The following HS6ST3 variants were observed in gnomAD, a reference collection of about 807,000 sequenced individuals.
HS6ST3 encodes heparan sulfate 6-O-sulfotransferase 3, also known as heparan-sulfate 6-O-sulfotransferase 3.
HS6ST3 carries 12 observed loss-of-function variants against 36.7 expected under a neutral mutation model. That is an observed-to-expected ratio of 0.33 (90% CI 0.21 to 0.53). HS6ST3 has a LOEUF of 0.53. Among genes scored for constraint, HS6ST3 ranks in the 20% least tolerant of loss-of-function variants. The pLI is 0.95. For missense variants in HS6ST3, 584 were observed against 640.9 expected, an observed-to-expected ratio of 0.91 and a Z score of 0.96; for synonymous variants, 240 against 257.5, an observed-to-expected ratio of 0.93 and a Z score of 0.65.
chr13:96,122,624 T>G (rs1594684526), intron 1 of HS6ST3, among the ~76,000 whole-genome samples: 1 of 152,048 alleles, frequency 6.6e-6, no homozygotes, highest in Non-Finnish European at 1.5e-5. Context: ...ATAATGAAAA[T>G]CAAGGGGGAG....
chr13:96,098,991 T>G (rs1168454451), intron 1 of HS6ST3, among the ~76,000 whole-genome samples: 3 of 152,212 alleles, frequency 2.0e-5, no homozygotes. Flanking sequence ...TCACCCAAAC[T>G]GGAGTGCAGT....
At chr13:96,317,272 C>T (rs2054975020) in intron 1 of HS6ST3, among the ~76,000 whole-genome samples, 1 of 147,268 alleles carries the variant, frequency 6.8e-6, no homozygotes, top group Admixed American at 6.9e-5. Context: ...CAGCTCCTTC[C>T]ATGTTGCAGC....
At chr13:96,318,710 C>T (rs2054988764) in intron 1 of HS6ST3, among the ~76,000 whole-genome samples, 2 of 151,820 alleles carry the variant, frequency 1.3e-5, no homozygotes. Flanking sequence ...AAATGTGTGG[C>T]TTTATTTCTG....
At chr13:96,690,069 G>C (rs1353173372) in intron 1 of HS6ST3, among the ~76,000 whole-genome samples, 1 of 152,084 alleles carries the variant, frequency 6.6e-6, no homozygotes, top group African/African-American at 2.4e-5. Flanking sequence ...ACATTGCTAA[G>C]TCATAGGTTT....
intron 1 of HS6ST3, among the ~76,000 whole-genome samples, chr13:96,394,578 A>G (rs1390000472): frequency 1.3e-5 from 2 of 152,172 alleles, no homozygotes; most frequent in African/African-American, 4.8e-5. Flanking sequence ...TAGAGGTGTT[A>G]TGGACCGTAT....
At chr13:96,302,173 TA>T (rs1427921085) in intron 1 of HS6ST3, among the ~76,000 whole-genome samples, 2 of 151,666 alleles carry the variant, frequency 1.3e-5, no homozygotes, top group Admixed American at 1.3e-4. Context: ...CACAAAATTT[TA>T]AAAAAAATTC....
At chr13:96,112,649 TC>T (rs970528242) in intron 1 of HS6ST3, among the ~76,000 whole-genome samples, 2 of 130,278 alleles carry the variant, frequency 1.5e-5, no homozygotes, top group African/African-American at 5.7e-5. Flanking sequence ...ACACCTGTGG[TC>T]CCAGCTACTC....
chr13:96,502,548 A>C (rs2056009287), intron 1 of HS6ST3, among the ~76,000 whole-genome samples: 1 of 152,152 alleles, frequency 6.6e-6, no homozygotes, highest in South Asian at 2.1e-4. Context: ...ACCTCTGTGT[A>C]AATTTGATGA....
intron 1 of HS6ST3, among the ~76,000 whole-genome samples, chr13:96,257,278 G>T (rs901722319): frequency 3.9e-5 from 6 of 152,164 alleles, no homozygotes; most frequent in African/African-American, 1.4e-4. Flanking sequence ...CTGTGCATCT[G>T]CAGGAAAAGT....
chr13:96,734,797 C>A (rs572241773), intron 1 of HS6ST3, among the ~76,000 whole-genome samples: 1 of 152,300 alleles, frequency 6.6e-6, no homozygotes, highest in South Asian at 2.1e-4. Context: ...GCGCACCAAC[C>A]ATTTGATTCT....
At chr13:96,266,034 C>T (rs777888182) in intron 1 of HS6ST3, among the ~76,000 whole-genome samples, 4 of 152,052 alleles carry the variant, frequency 2.6e-5, no homozygotes, top group Non-Finnish European at 5.9e-5. Flanking sequence ...TTATGATGCT[C>T]TTGCAGGGTT....
intron 1 of HS6ST3, among the ~76,000 whole-genome samples, chr13:96,270,412 G>T (rs1594738735): frequency 6.6e-6 from 1 of 151,892 alleles, no homozygotes; most frequent in East Asian, 1.9e-4. Context: ...GTTTATTTCA[G>T]TTTTGATTTT....
rs1246706138 is a variant in HS6ST3, at chr13:96,754,350, A to ATGTAT, written c.708-78140_708-78139insTGTAT. The stretch of plus-strand genomic sequence containing the variant: ...CCATTTTGTAATTATGGCATAAACT[A>ATGTAT]GGTTTGATCATACATAATGCTATTG... On this transcript the variant is annotated intron_variant, in intron 1 of 1. Coordinates refer to ENST00000376705, the MANE Select transcript of HS6ST3 (RefSeq NM_153456.4). 3.9e-5 allele frequency among the ~76,000 whole-genome samples: 6 copies of ATGTAT among 152,326 alleles called. No homozygotes were observed. The East Asian group carries it at 1.2e-3, about 29-fold the overall frequency.
intron 1 of HS6ST3, among the ~76,000 whole-genome samples, chr13:96,821,425 A>G (rs1878532081): frequency 6.6e-6 from 1 of 152,256 alleles, no homozygotes; most frequent in Non-Finnish European, 1.5e-5. Context: ...TTTTTACAAG[A>G]TGATGGAAGA....
chr13:96,382,089 G>GCTC (rs1335740287), intron 1 of HS6ST3, among the ~76,000 whole-genome samples: 1 of 152,096 alleles, frequency 6.6e-6, no homozygotes, highest in Non-Finnish European at 1.5e-5. Flanking sequence ...GGGAACAGGA[G>GCTC]CCTGCTACTC....
chr13:96,253,320 CCT>C (rs1246547137), intron 1 of HS6ST3, among the ~76,000 whole-genome samples: 4 of 152,100 alleles, frequency 2.6e-5, no homozygotes, highest in Non-Finnish European at 5.9e-5. Flanking sequence ...CATAAGTGGA[CCT>C]CTTGGGTGGC....
chr13:96,396,539 A>G (rs1295383440), intron 1 of HS6ST3, among the ~76,000 whole-genome samples: 1 of 152,078 alleles, frequency 6.6e-6, no homozygotes, highest in Admixed American at 6.6e-5. Flanking sequence ...TGTTTCCTTG[A>G]TGTCTTCCTT....
At chr13:96,383,726 G>A (rs1016604510) in intron 1 of HS6ST3, among the ~76,000 whole-genome samples, 1 of 152,062 alleles carries the variant, frequency 6.6e-6, no homozygotes, top group Non-Finnish European at 1.5e-5. Flanking sequence ...AAGTGGGGGG[G>A]ACATAGAGGA....
intron 1 of HS6ST3, among the ~76,000 whole-genome samples, chr13:96,802,243 G>A (rs9513183): frequency 0.021 from 3,214 of 152,192 alleles, 55 homozygotes; most frequent in Middle Eastern, 0.034. Context: ...CGTGATTCAT[G>A]GAAAGCTGGA....
Sources: gnomAD v4.1 joint callset for allele counts (sites outside exome capture counted in the v4.1 genomes callset) on GRCh38, gnomAD v4.1.1 for gene constraint, MANE v1.5 for transcripts, NCBI Gene and HGNC (gene_info 2026-07-23, HGNC 2026-07-21) for gene names.